STK31: variants seen among roughly 807,000 people sequenced by gnomAD.
STK31 encodes serine/threonine-protein kinase 31.
A neutral mutation model predicts 129.7 loss-of-function variants in STK31; 89 were observed. That is an observed-to-expected ratio of 0.69 (90% CI 0.58 to 0.82). STK31 has a LOEUF of 0.82. Ranked by LOEUF, STK31 falls within the 40% of genes least tolerant of loss-of-function variation. The pLI is 0.00. For synonymous variants in STK31, 448 were observed against 395.3 expected (o/e 1.13, Z -1.58); for missense variants, 1,187 against 1,176.4 (o/e 1.01, Z -0.13).
chr7:23,734,889 G>A (rs139455022), intron 6 of STK31, among the ~76,000 whole-genome samples: 20,202 of 152,040 alleles, frequency 0.13, 1,372 homozygotes, highest in East Asian at 0.22. Context: ...CGCTTGAACC[G>A]GGGAGGCAGA....
intron 3 of STK31, among the ~76,000 whole-genome samples, chr7:23,715,469 A>T (rs76172169): frequency 7.1e-6 from 1 of 140,922 alleles, no homozygotes; most frequent in Non-Finnish European, 1.5e-5. Flanking sequence ...AAAAAAAAAA[A>T]TTAGCCAGGC....
chr7:23,765,106 A>AG (rs566615898), intron 11 of STK31, among the ~76,000 whole-genome samples: 177 of 151,608 alleles, frequency 1.2e-3, no homozygotes, highest in Non-Finnish European at 1.8e-3. Flanking sequence ...CCTAGGCTGG[A>AG]GTGCAGTGGC....
At chr7:23,806,751 T>C (rs544714737) in intron 22 of STK31, among the ~76,000 whole-genome samples, 1 of 151,992 alleles carries the variant, frequency 6.6e-6, no homozygotes, top group South Asian at 2.1e-4. Context: ...GTACAAAAAA[T>C]CAGCCGGGCG....
chr7:23,829,067 A>T (rs1045747595), intron 23 of STK31, among the ~76,000 whole-genome samples: 22 of 143,576 alleles, frequency 1.5e-4, no homozygotes, highest in African/African-American at 5.3e-4. Flanking sequence ...TGCCCAGCAA[A>T]TTTTTTTTTT....
chr7:23,752,948 A>G (rs755125340), intron 9 of STK31, 116 bp downstream of exon 9: 6 of 673,578 alleles, frequency 8.9e-6, no homozygotes, highest in African/African-American at 3.7e-5. Flanking sequence ...TTGTATTTTT[A>G]TGACTTCAAA....
At position 23,769,065 on chromosome 7, in the gene STK31, A is replaced by C; in HGVS notation, c.1487A>C (p.Lys496Thr). ...KEGANSDEIL[K>T]KFYDWKCDKR... The stretch of plus-strand genomic sequence containing the variant: ...GGAGCAAATTCTGATGAAATACTTA[A>C]AAAATTTTATGACTGGAAGTGTGAT... The change falls in exon 12 of 24, where the codon AAA (lysine) becomes ACA (threonine). Residue 496 changes from lysine to threonine, a missense_variant. Lys to Thr is a moderately conservative substitution (Grantham distance 78, BLOSUM62 -1). This residue lies in a region of STK31 where 975 missense variants were observed against 934.9 expected (regional missense o/e 1.04). Transcript: ENST00000355870. The C allele has an allele frequency of 6.2e-7, 1 of 1,613,342 alleles. No homozygotes were observed. Among genetic ancestry groups the C allele is most frequent in the Non-Finnish European group, 8.5e-7 (1 of 1,179,474 alleles).
chr7:23,767,281 A>G (rs1398389965), intron 11 of STK31, among the ~76,000 whole-genome samples: 2 of 152,112 alleles, frequency 1.3e-5, no homozygotes, highest in African/African-American at 4.8e-5. Flanking sequence ...TCTCTCCTCA[A>G]GATCTCATAT....
At chr7:23,811,247 T>A (rs983690646) in intron 22 of STK31, 1 of 339,252 alleles carries the variant, frequency 2.9e-6, no homozygotes. Flanking sequence ...ATTGATGTTT[T>A]CACCAGTAAA....
chr7:23,727,154 T>C (rs1452628399), intron 4 of STK31, 87 bp from the exon 5 acceptor site: 8 of 1,026,250 alleles, frequency 7.8e-6, no homozygotes, highest in Admixed American at 2.0e-5. Flanking sequence ...TATTGACATA[T>C]AGGAAGAGCT....
intron 15 of STK31, among the ~76,000 whole-genome samples, chr7:23,772,644 T>G (rs1229436524): frequency 6.6e-6 from 1 of 152,190 alleles, no homozygotes; most frequent in Non-Finnish European, 1.5e-5. Context: ...AGGTAGCGTT[T>G]TGTCATAAAG....
chr7:23,797,775 A>G (rs1049491924), intron 22 of STK31, among the ~76,000 whole-genome samples: 1 of 147,478 alleles, frequency 6.8e-6, no homozygotes, highest in Non-Finnish European at 1.5e-5. Context: ...GCAGAACTGC[A>G]GGAGCTGGAG....
intron 14 of STK31, chr7:23,771,625 A>T (rs574069705): frequency 6.5e-6 from 1 of 153,088 alleles, no homozygotes; most frequent in South Asian, 2.1e-4. Flanking sequence ...CCCTATGTAG[A>T]TGTACAACAA....
intron 22 of STK31, among the ~76,000 whole-genome samples, chr7:23,809,373 T>G (rs1442904682): frequency 6.6e-6 from 1 of 152,130 alleles, no homozygotes; most frequent in Non-Finnish European, 1.5e-5. Flanking sequence ...ATTCTCCACT[T>G]AAATCCTATC....
intron 3 of STK31, among the ~76,000 whole-genome samples, chr7:23,714,982 T>C (rs1786212045): frequency 6.6e-6 from 1 of 152,162 alleles, no homozygotes; most frequent in Non-Finnish European, 1.5e-5. Flanking sequence ...AGTTAAACCA[T>C]GAAGTTGAGG....
intron 10 of STK31, 78 bp downstream of exon 10, chr7:23,754,552 A>G: frequency 6.9e-7 from 1 of 1,459,424 alleles, no homozygotes; most frequent in Non-Finnish European, 9.3e-7. Flanking sequence ...CTTCTAAAAA[A>G]AATAACAGGA....
chr7:23,756,197 G>C (rs548223082), intron 10 of STK31, among the ~76,000 whole-genome samples: 1 of 152,060 alleles, frequency 6.6e-6, no homozygotes, highest in Non-Finnish European at 1.5e-5. Context: ...AGTTCTTCTT[G>C]AAGAGGTCCT....
chr7:23,776,967 A>G (rs1039708842), intron 15 of STK31, among the ~76,000 whole-genome samples: 3 of 152,184 alleles, frequency 2.0e-5, no homozygotes, highest in Non-Finnish European at 4.4e-5. Context: ...TTAGTGCTAT[A>G]AATTTCCCTC....
chr7:23,784,169 G>A (rs1791114297), intron 17 of STK31, among the ~76,000 whole-genome samples: 1 of 152,062 alleles, frequency 6.6e-6, no homozygotes, highest in South Asian at 2.1e-4. Flanking sequence ...TAGGGAGCAG[G>A]ATTAGTAAAC....
chr7:23,825,186 C>G (rs1794054233), intron 23 of STK31, among the ~76,000 whole-genome samples: 1 of 152,140 alleles, frequency 6.6e-6, no homozygotes, highest in Non-Finnish European at 1.5e-5. Context: ...CCAGCTCCTC[C>G]TTTTACCTCT....
Sources: gnomAD v4.1 joint callset for allele counts (sites outside exome capture counted in the v4.1 genomes callset) on GRCh38, gnomAD v4.1.1 for gene constraint, gnomAD v4.1.1 regional missense constraint, MANE v1.5 for transcripts, NCBI Gene and HGNC (gene_info 2026-07-23, HGNC 2026-07-21) for gene names.